BNC2: variants seen among roughly 807,000 people sequenced by gnomAD.
BNC2 encodes zinc finger protein basonuclin-2.
In BNC2, 20 loss-of-function variants were observed where a neutral mutation model predicts 76.3. That is an observed-to-expected ratio of 0.26 (90% CI 0.18 to 0.38). The LOEUF is 0.38. Among genes scored for constraint, BNC2 ranks in the 10% least tolerant of loss-of-function variants. The pLI is 1.00. For missense variants in BNC2, 1,382 were observed against 1,399.8 expected (o/e 0.99, Z 0.20); for synonymous variants, 582 against 514.8 (o/e 1.13, Z -1.77).
chr9:16,505,858 G>C (rs1183136990), intron 5 of BNC2, among the ~76,000 whole-genome samples: 1 of 152,144 alleles, frequency 6.6e-6, no homozygotes, highest in African/African-American at 2.4e-5. Flanking sequence ...TAAGGCCAGA[G>C]TCTCATTTTA....
intron 3 of BNC2, among the ~76,000 whole-genome samples, chr9:16,630,925 G>C (rs1821144454): frequency 6.6e-6 from 1 of 151,976 alleles, no homozygotes; most frequent in Non-Finnish European, 1.5e-5. Flanking sequence ...TTTTAGTAGA[G>C]ACGGGGTTTC....
At chr9:16,805,207 C>G (rs1419112494) in intron 1 of BNC2, among the ~76,000 whole-genome samples, 2 of 152,150 alleles carry the variant, frequency 1.3e-5, no homozygotes, top group Non-Finnish European at 2.9e-5. Flanking sequence ...TCTTTAGAAT[C>G]TGGAAGACTT....
At chr9:16,862,498 G>T (rs1586944749) in intron 1 of BNC2, among the ~76,000 whole-genome samples, 1 of 152,130 alleles carries the variant, frequency 6.6e-6, no homozygotes, top group Non-Finnish European at 1.5e-5. Context: ...ATAGAACAGG[G>T]CCTCTATAGA....
intron 3 of BNC2, among the ~76,000 whole-genome samples, chr9:16,633,285 AG>A (rs1821219962): frequency 6.6e-6 from 1 of 152,236 alleles, no homozygotes; most frequent in Non-Finnish European, 1.5e-5. Context: ...CCAAGGTTCT[AG>A]TTCTGTCCCA....
intron 5 of BNC2, among the ~76,000 whole-genome samples, chr9:16,437,960 ACTT>A (rs1273810019): frequency 6.6e-6 from 1 of 152,226 alleles, no homozygotes; most frequent in Non-Finnish European, 1.5e-5. Context: ...GGAATTAAGT[ACTT>A]CTTGTGAAAT....
At chr9:16,722,151 G>A (rs148979456) in intron 3 of BNC2, among the ~76,000 whole-genome samples, 345 of 152,224 alleles carry the variant, frequency 2.3e-3, no homozygotes, top group African/African-American at 7.3e-3. Context: ...TATCTGTAAC[G>A]GACTGTTCCT....
chr9:16,503,669 G>A (rs1445939973), intron 5 of BNC2, among the ~76,000 whole-genome samples: 1 of 152,048 alleles, frequency 6.6e-6, no homozygotes, highest in Non-Finnish European at 1.5e-5. Context: ...ACCTAAATAA[G>A]GCATATCTCA....
rs558079195 is a variant in BNC2, at chr9:16,415,099, A to G, written c.*3890T>C. The G allele has an allele frequency of 1.2e-4, 19 of 152,276 alleles. No individual in the cohort carries two copies. The highest frequency in any genetic ancestry group is 3.8e-4 in the African/African-American group (16 of 41,572). The allele number at this position is 152,276 out of a possible 1,614,324, so 9.4% of individuals were successfully genotyped here. A position where few individuals can be genotyped will look rare whatever the true frequency, so the allele number is the denominator to read the frequency against. The stretch of plus-strand genomic sequence containing the variant: ...AAATGTTTGCCATGTTGAAAAGGAA[A>G]ACATTAACACCTTTAAACCTTTAAA... On this transcript the variant is annotated 3_prime_UTR_variant, in exon 7 of 7. Transcript: ENST00000380672.
intron 3 of BNC2, among the ~76,000 whole-genome samples, chr9:16,618,767 C>A (rs1356287930): frequency 1.3e-5 from 2 of 152,144 alleles, no homozygotes; most frequent in Non-Finnish European, 2.9e-5. Flanking sequence ...TGTGCTGGTG[C>A]TCTCTGAAGC....
intron 5 of BNC2, among the ~76,000 whole-genome samples, chr9:16,508,653 G>C (rs7025366): frequency 0.11 from 16,567 of 151,914 alleles, 2,695 homozygotes; most frequent in African/African-American, 0.35. Flanking sequence ...ATTGGTTCTT[G>C]GCTCTTTATG....
In BNC2 at chr9:16,643,378, C is replaced by T. The variant is rs558512560; in HGVS notation, c.331-60293G>A. ...TGGGTCTCAAATAATTAGTTATCTA[C>T]TCACAGAATAATTTTACTTTCTGTA... On this transcript the variant is annotated intron_variant, in intron 3 of 6. Coordinates refer to ENST00000380672, the MANE Select transcript of BNC2 (RefSeq NM_017637.6). Among the ~76,000 whole-genome samples, 11 of 151,314 alleles carry T rather than the reference C, an allele frequency of 7.3e-5. No individual in the cohort carries two copies. The East Asian group carries it at 1.9e-3, about 27-fold the overall frequency.
At chr9:16,529,368 G>C (rs1817908854) in intron 5 of BNC2, among the ~76,000 whole-genome samples, 1 of 152,110 alleles carries the variant, frequency 6.6e-6, no homozygotes, top group African/African-American at 2.4e-5. Context: ...ATCATAATTA[G>C]TGCCACAGAT....
chr9:16,827,422 G>A (rs912698496), intron 1 of BNC2, among the ~76,000 whole-genome samples: 1 of 152,212 alleles, frequency 6.6e-6, no homozygotes. Context: ...TTGACTGAGA[G>A]TGGAGGAAAG....
At position 16,700,085 on chromosome 9, in the gene BNC2, T is replaced by C. The variant is rs534745947; in HGVS notation, c.330+27712A>G. 4.6e-5 allele frequency among the ~76,000 whole-genome samples: 7 copies of C among 152,328 alleles called. No homozygotes were observed. In the East Asian group the frequency reaches 1.3e-3, roughly 29 times the overall value. On this transcript the variant is annotated intron_variant, in intron 3 of 6. Coordinates refer to ENST00000380672, the MANE Select transcript of BNC2 (RefSeq NM_017637.6). ...GATATGTATATGTCTTTAATAGATA[T>C]GCTATAATGTGATATACAGCACCCA... is the stretch of plus-strand genomic sequence containing the variant.
chr9:16,538,459 C>G lies in BNC2; in HGVS notation c.669+14071G>C, dbSNP rs977329974. Among the ~76,000 whole-genome samples, 3 of 152,190 alleles carry G rather than the reference C, an allele frequency of 2.0e-5. No homozygotes were observed. In the South Asian group the frequency reaches 6.2e-4, roughly 31 times the overall value. ...GCAACAGCAATTCCACAGAGATCGT[C>G]TCGTTCTAAATGAGTGACTTCACAG... is the stretch of plus-strand genomic sequence containing the variant. On this transcript the variant is annotated intron_variant, in intron 5 of 6. Coordinates refer to ENST00000380672, the MANE Select transcript of BNC2 (RefSeq NM_017637.6).
chr9:16,845,330 A>G (rs1818943157), intron 1 of BNC2, among the ~76,000 whole-genome samples: 1 of 152,218 alleles, frequency 6.6e-6, no homozygotes, highest in Non-Finnish European at 1.5e-5. Context: ...TTACAGTTAC[A>G]GTCCTCAGAA....
At chr9:16,482,459 A>G (rs1288632100) in intron 5 of BNC2, among the ~76,000 whole-genome samples, 1 of 129,358 alleles carries the variant, frequency 7.7e-6, no homozygotes, top group Non-Finnish European at 1.7e-5. Context: ...AATAGGCAGA[A>G]AAAAAAAACC....
intron 1 of BNC2, among the ~76,000 whole-genome samples, chr9:16,751,408 G>C (rs1368423051): frequency 1.3e-5 from 2 of 151,826 alleles, no homozygotes; most frequent in African/African-American, 2.4e-5. Flanking sequence ...TCACATCTAA[G>C]AGATCAGCAA....
At chr9:16,810,057 C>T (rs969822143) in intron 1 of BNC2, among the ~76,000 whole-genome samples, 17 of 152,176 alleles carry the variant, frequency 1.1e-4, no homozygotes, top group Admixed American at 2.6e-4. Context: ...TTTTCTGCCC[C>T]CTGCCTACTG....
Sources: gnomAD v4.1 joint callset for allele counts (sites outside exome capture counted in the v4.1 genomes callset) on GRCh38, gnomAD v4.1.1 for gene constraint, MANE v1.5 for transcripts, NCBI Gene and HGNC (gene_info 2026-07-23, HGNC 2026-07-21) for gene names.